GRID2: variants seen among roughly 807,000 people sequenced by gnomAD.
GRID2 encodes the protein glutamate receptor ionotropic, delta-2.
Under a neutral mutation model 114.8 loss-of-function variants are expected in GRID2, and 33 were observed. That is an observed-to-expected ratio of 0.29 (90% confidence interval 0.22 to 0.38). The LOEUF is 0.38. GRID2 is among the 10% of genes least tolerant of loss of function. GRID2 has a pLI of 1.00. For synonymous variants in GRID2, 505 were observed against 449.9 expected, an observed-to-expected ratio of 1.12 and a Z score of -1.55; for missense variants, 1,184 against 1,257.7, an observed-to-expected ratio of 0.94 and a Z score of 0.89.
chr4:92,517,629 G>A (rs1374896919), intron 1 of GRID2, among the ~76,000 whole-genome samples: 1 of 151,884 alleles, frequency 6.6e-6, no homozygotes, highest in Non-Finnish European at 1.5e-5. Flanking sequence ...TAGTACTTGG[G>A]TTTAATTCAG....
At chr4:92,479,444 T>C (rs1282940762) in intron 1 of GRID2, among the ~76,000 whole-genome samples, 1 of 152,144 alleles carries the variant, frequency 6.6e-6, no homozygotes, top group Non-Finnish European at 1.5e-5. Flanking sequence ...AATGTGTTTA[T>C]TTGGATTTTT....
chr4:92,844,351 C>T (rs1256763331), intron 2 of GRID2, among the ~76,000 whole-genome samples: 6 of 151,908 alleles, frequency 3.9e-5, no homozygotes, highest in African/African-American at 4.8e-5. Context: ...CCAGCCTGAA[C>T]CACATGGTGA....
intron 10 of GRID2, among the ~76,000 whole-genome samples, chr4:93,435,153 G>A (rs1438661322): frequency 6.6e-6 from 1 of 152,070 alleles, no homozygotes; most frequent in Non-Finnish European, 1.5e-5. Flanking sequence ...GTAAGCTGAA[G>A]TTGGTCTGAG....
intron 1 of GRID2, among the ~76,000 whole-genome samples, chr4:92,507,407 G>A (rs1029371024): frequency 1.5e-4 from 17 of 113,216 alleles, no homozygotes; most frequent in South Asian, 5.9e-4. Context: ...GTGCTTTCTC[G>A]TGTATAATTG....
intron 8 of GRID2, among the ~76,000 whole-genome samples, chr4:93,333,465 A>C (rs936285276): frequency 6.6e-6 from 1 of 152,150 alleles, no homozygotes; most frequent in Non-Finnish European, 1.5e-5. Context: ...ACTTCCCACC[A>C]TACATTTTTT....
At chr4:92,785,138 C>T (rs1282391843) in intron 2 of GRID2, among the ~76,000 whole-genome samples, 1 of 148,392 alleles carries the variant, frequency 6.7e-6, no homozygotes, top group Non-Finnish European at 1.5e-5. Flanking sequence ...TAGTACCACT[C>T]ATGCATTTCC....
intron 2 of GRID2, among the ~76,000 whole-genome samples, chr4:92,742,235 C>T (rs889989904): frequency 6.6e-5 from 10 of 152,062 alleles, no homozygotes; most frequent in African/African-American, 2.2e-4. Flanking sequence ...GAAAACTCTC[C>T]TGTTAGTAAA....
chr4:92,712,726 A>G (rs1279269032), intron 2 of GRID2, among the ~76,000 whole-genome samples: 3 of 152,168 alleles, frequency 2.0e-5, no homozygotes, highest in Non-Finnish European at 4.4e-5. Context: ...GAAATATGCA[A>G]ATGTCATAAT....
In GRID2 at chr4:92,695,384, A is replaced by G. The variant is rs138874541; in HGVS notation, c.244+105098A>G. Among the ~76,000 whole-genome samples the G allele has an allele frequency of 2.9e-3, 443 of 152,200 alleles. 2 individuals carry two copies. The highest frequency in any genetic ancestry group is 4.7e-3 in the Non-Finnish European group (318 of 67,996). ...TTTCTTATTGCAGTAAAATAGAAAC[A>G]CAACAAAAGGAATACAATGATACCG... On this transcript the variant is annotated intron_variant, in intron 2 of 15. Transcript: ENST00000282020.
chr4:92,486,665 A>G (rs768566173), intron 1 of GRID2, among the ~76,000 whole-genome samples: 22 of 152,020 alleles, frequency 1.4e-4, no homozygotes, highest in Non-Finnish European at 2.9e-4. Flanking sequence ...GAATGGAGGA[A>G]AATACTTGCA....
At chr4:93,278,087 T>A (rs1752250628) in intron 8 of GRID2, among the ~76,000 whole-genome samples, 1 of 151,856 alleles carries the variant, frequency 6.6e-6, no homozygotes, top group African/African-American at 2.4e-5. Context: ...GACACAGACA[T>A]GGGCAGTATA....
At chr4:93,022,205 TAC>T (rs886950448) in intron 2 of GRID2, among the ~76,000 whole-genome samples, 1 of 151,432 alleles carries the variant, frequency 6.6e-6, no homozygotes. Context: ...CATACGCATA[TAC>T]ACACACACAC....
At chr4:92,311,048 G>T (rs558389124) in intron 1 of GRID2, among the ~76,000 whole-genome samples, 2 of 151,830 alleles carry the variant, frequency 1.3e-5, no homozygotes, top group Non-Finnish European at 2.9e-5. Context: ...TTTTGTTTTC[G>T]ATTTTGTTTT....
chr4:92,467,797 G>C (rs1721830302), intron 1 of GRID2, among the ~76,000 whole-genome samples: 1 of 152,060 alleles, frequency 6.6e-6, no homozygotes, highest in Admixed American at 6.6e-5. Flanking sequence ...TTAATATTGG[G>C]AATTAATACA....
chr4:92,739,974 T>C (rs745764363), intron 2 of GRID2, among the ~76,000 whole-genome samples: 15 of 152,198 alleles, frequency 9.9e-5, no homozygotes, highest in Non-Finnish European at 1.5e-4. Context: ...AATCTCATTA[T>C]AGAAGGATAT....
At chr4:93,288,133 A>T (rs1291126189) in intron 8 of GRID2, among the ~76,000 whole-genome samples, 2 of 152,172 alleles carry the variant, frequency 1.3e-5, no homozygotes, top group African/African-American at 2.4e-5. Context: ...ATTATATTTT[A>T]TTGGGATATC....
At chr4:93,693,780 C>T (rs1263619539) in intron 14 of GRID2, among the ~76,000 whole-genome samples, 1 of 151,982 alleles carries the variant, frequency 6.6e-6, no homozygotes, top group Non-Finnish European at 1.5e-5. Flanking sequence ...ACCACCACAG[C>T]ACCAGTAATT....
chr4:92,989,093 C>T (rs943672046), intron 2 of GRID2, among the ~76,000 whole-genome samples: 5 of 151,648 alleles, frequency 3.3e-5, no homozygotes, highest in Non-Finnish European at 7.4e-5. Flanking sequence ...CTGACTAACA[C>T]GGTGAAACCC....
chr4:92,783,585 AAAACAAATACAC>A (rs796823785), intron 2 of GRID2, among the ~76,000 whole-genome samples: 9 of 152,168 alleles, frequency 5.9e-5, no homozygotes, highest in African/African-American at 1.7e-4. Flanking sequence ...CATTAGCTCT[AAAACAAATACAC>A]AAAAGGCCAG....
Sources: allele counts gnomAD v4.1 joint callset (sites outside exome capture counted in the v4.1 genomes callset), GRCh38; gene constraint gnomAD v4.1.1; transcripts MANE v1.5; gene names NCBI Gene and HGNC (gene_info 2026-07-23, HGNC 2026-07-21).